The following DDX21 variants were observed in gnomAD, a reference collection of about 807,000 sequenced individuals.
The protein encoded by DDX21 is DExD-box helicase 21, also known as nucleolar RNA helicase 2.
In DDX21, 18 loss-of-function variants were observed where a neutral mutation model predicts 90.0. That is an observed-to-expected ratio of 0.20 (90% confidence interval 0.14 to 0.30). The LOEUF is 0.30. Among genes scored for constraint, DDX21 ranks in the 10% least tolerant of loss-of-function variants. The pLI, the probability that DDX21 is intolerant of heterozygous loss-of-function variation, is 1.00. For missense variants in DDX21, 673 were observed against 944.5 expected, an observed-to-expected ratio of 0.71 and a Z score of 3.77; for synonymous variants, 294 against 318.0, an observed-to-expected ratio of 0.92 and a Z score of 0.80.
At chr10:68,981,723 C>A in intron 14 of DDX21, 142 bp downstream of exon 14, 1 of 757,156 alleles carries the variant, frequency 1.3e-6, no homozygotes, top group South Asian at 1.9e-5. Context: ...TGGAATATTC[C>A]CCCCTAACTT....
At chr10:68,960,330 T>A in intron 2 of DDX21, 81 bp downstream of exon 2, 1 of 1,372,814 alleles carries the variant, frequency 7.3e-7, no homozygotes, top group Non-Finnish European at 9.7e-7. Flanking sequence ...ATATGTACTC[T>A]TTAATAGTAG....
At chr10:68,972,705 A>G (rs1436827097) in intron 9 of DDX21, among the ~76,000 whole-genome samples, 2 of 152,182 alleles carry the variant, frequency 1.3e-5, no homozygotes, top group African/African-American at 2.4e-5. Flanking sequence ...ACTTTTTGAT[A>G]TGGTAGCCAC....
intron 10 of DDX21, 43 bp from the exon 11 acceptor site, chr10:68,974,627 T>C (rs746474306): frequency 2.0e-6 from 3 of 1,534,492 alleles, no homozygotes; most frequent in Non-Finnish European, 2.7e-6. Flanking sequence ...TTGGAAACAA[T>C]TGATGGCCAC....
chr10:68,957,807 G>T (rs1280888681), intron 1 of DDX21, among the ~76,000 whole-genome samples: 1 of 152,150 alleles, frequency 6.6e-6, no homozygotes, highest in South Asian at 2.1e-4. Context: ...CAGAGACCAG[G>T]CCTGAAATTT....
In DDX21 at chr10:68,960,020, C is replaced by G. The variant is rs1842851839; in HGVS notation, c.302C>G (p.Pro101Arg). The G allele has an allele frequency of 6.2e-7, 1 of 1,603,294 alleles. No homozygotes were observed. Among genetic ancestry groups the G allele is most frequent in the African/African-American group, 1.4e-5 (1 of 73,894 alleles). The change falls in exon 2 of 15, where the codon CCC becomes CGC. Residue 101 changes from proline to arginine, a missense_variant. Around this residue, in one of 4 missense-constraint regions of DDX21, gnomAD observed 204 missense variants for 221.6 expected, o/e 0.92. Transcript: ENST00000354185. The stretch of plus-strand genomic sequence containing the variant: ...AAAAGTTTGAGAAAGAAAAAGGAGC[C>G]CATTGAAAAGAAAGTGGTTTCTTCT... Reference protein sequence around the residue: ...KTKSLRKKKEPIEKKVVSSKT... With the variant: ...KTKSLRKKKERIEKKVVSSKT...
At chr10:68,977,197 T>C (rs1843114034) in intron 11 of DDX21, among the ~76,000 whole-genome samples, 2 of 152,332 alleles carry the variant, frequency 1.3e-5, no homozygotes, top group South Asian at 4.1e-4. Context: ...GACATTTTAT[T>C]ATGTCTGTTT....
At chr10:68,981,469 T>G in intron 13 of DDX21, 68 bp from the exon 14 acceptor site, 1 of 1,328,636 alleles carries the variant, frequency 7.5e-7, no homozygotes, top group Non-Finnish European at 1.1e-6. Context: ...AAAGAATACG[T>G]GGTCTTTTAA....
intron 11 of DDX21, among the ~76,000 whole-genome samples, chr10:68,976,520 C>T (rs1843104037): frequency 6.6e-6 from 1 of 152,170 alleles, no homozygotes; most frequent in Admixed American, 6.5e-5. Flanking sequence ...ATCTCCTGAC[C>T]TCATGATCCG....
chr10:68,974,068 C>T (rs1222907125), intron 10 of DDX21, among the ~76,000 whole-genome samples: 1 of 152,174 alleles, frequency 6.6e-6, no homozygotes, highest in Non-Finnish European at 1.5e-5. Context: ...CACTCGTCTC[C>T]TTCCTCTTGA....
At chr10:68,970,475 G>T (rs1843009620) in intron 8 of DDX21, 125 bp downstream of exon 8, 2 of 906,080 alleles carry the variant, frequency 2.2e-6, no homozygotes, top group African/African-American at 3.6e-5. Flanking sequence ...TTAGAAATGA[G>T]AGGAAGCTAC....
At chr10:68,967,811 G>A (rs1170288116) in intron 6 of DDX21, among the ~76,000 whole-genome samples, 2 of 152,022 alleles carry the variant, frequency 1.3e-5, no homozygotes. Context: ...TCTACCATCT[G>A]CCTAGTTTGA....
chr10:68,969,019 C>T lies in DDX21; in HGVS notation c.1134C>T (p.Cys378=), dbSNP rs1842982818. Residue 378 remains cysteine (C), a synonymous_variant, in exon 7 of 15, where the codon TGC becomes TGT. Coordinates refer to ENST00000354185, the MANE Select transcript of DDX21 (RefSeq NM_004728.4). ...NPQTLLFSAT[C]PHWVFNVAKK... ...AAACATTGCTTTTTTCTGCAACTTG[C>T]CCTCATTGGGTATTTAATGTTGCCA... The T allele has an allele frequency of 6.2e-7, 1 of 1,613,948 alleles. No homozygotes were observed. The highest frequency in any genetic ancestry group is 1.3e-5 in the African/African-American group (1 of 75,012).
intron 9 of DDX21, among the ~76,000 whole-genome samples, chr10:68,972,878 T>G (rs1245432756): frequency 6.6e-6 from 1 of 152,192 alleles, no homozygotes; most frequent in Non-Finnish European, 1.5e-5. Context: ...AGATAGTATA[T>G]TGAAATGATA....
chr10:68,962,232 A>G, intron 3 of DDX21, 75 bp downstream of exon 3: 1 of 1,098,776 alleles, frequency 9.1e-7, no homozygotes, highest in Non-Finnish European at 1.4e-6. Flanking sequence ...TTTTGTTAAG[A>G]TGAACCAGGA....
At position 68,969,009 on chromosome 10, in the gene DDX21, C is replaced by CTGCA; in HGVS notation, c.1125_1128dup (p.Thr377CysfsTer9). 1 of 1,613,216 alleles carries CTGCA rather than the reference C, an allele frequency of 6.2e-7. No individual in the cohort carries two copies. Among genetic ancestry groups the CTGCA allele is most frequent in the Non-Finnish European group, 8.5e-7 (1 of 1,179,732 alleles). On this transcript the variant is annotated frameshift_variant, in exon 7 of 15. Coordinates refer to ENST00000354185, the MANE Select transcript of DDX21 (RefSeq NM_004728.4). LOFTEE classifies it high-confidence loss of function. ...GACAATCCCCAAACATTGCTTTTTT[C>CTGCA]TGCAACTTGCCCTCATTGGGTATTT...
chr10:68,980,031 G>A (rs531034457), intron 13 of DDX21, among the ~76,000 whole-genome samples: 9 of 152,128 alleles, frequency 5.9e-5, no homozygotes, highest in East Asian at 1.9e-4. Flanking sequence ...ACCTGAGGTC[G>A]GGAGTTTGAG....
intron 5 of DDX21, 31 bp downstream of exon 5, chr10:68,965,525 A>G (rs1356756907): frequency 1.1e-5 from 16 of 1,485,104 alleles, no homozygotes; most frequent in Middle Eastern, 1.7e-4. Context: ...AGGGAGGTAT[A>G]ATGCCACCCA....
intron 1 of DDX21, among the ~76,000 whole-genome samples, chr10:68,958,762 A>T (rs1440148291): frequency 1.3e-5 from 2 of 152,066 alleles, no homozygotes; most frequent in Non-Finnish European, 2.9e-5. Flanking sequence ...TTCAATAGAG[A>T]CGGGGTCTCG....
intron 6 of DDX21, among the ~76,000 whole-genome samples, chr10:68,967,460 C>T (rs940017520): frequency 2.6e-5 from 4 of 151,918 alleles, no homozygotes; most frequent in Non-Finnish European, 5.9e-5. Flanking sequence ...TGAGCCACTG[C>T]GCCTGGCCTG....
Sources: gnomAD v4.1 joint callset for allele counts (sites outside exome capture counted in the v4.1 genomes callset) on GRCh38, gnomAD v4.1.1 for gene constraint, gnomAD v4.1.1 regional missense constraint, MANE v1.5 for transcripts, NCBI Gene and HGNC (gene_info 2026-07-23, HGNC 2026-07-21) for gene names.